Variants in DIP2C observed in about 807,000 individuals in gnomAD.
DIP2C encodes the protein disco-interacting protein 2 homolog C.
Under a neutral mutation model 192.4 loss-of-function variants are expected in DIP2C, and 33 were observed. The ratio of observed to expected loss-of-function variants is 0.17; its 90% confidence interval spans 0.13 to 0.23. The LOEUF (loss-of-function observed/expected upper bound fraction) is 0.23. DIP2C is among the 10% of genes least tolerant of loss of function. DIP2C has a pLI of 1.00. For missense variants in DIP2C, 1,537 were observed against 2,110.1 expected, an observed-to-expected ratio of 0.73 and a Z score of 5.32; for synonymous variants, 979 against 864.1, an observed-to-expected ratio of 1.13 and a Z score of -2.33.
intron 1 of DIP2C, among the ~76,000 whole-genome samples, chr10:654,782 T>C (rs1014346109): frequency 3.3e-5 from 5 of 152,232 alleles, no homozygotes; most frequent in African/African-American, 1.2e-4. Flanking sequence ...TACTCTGTAG[T>C]ATGGAGCACA....
chr10:297,634 G>T (rs1955823781), intron 32 of DIP2C, among the ~76,000 whole-genome samples: 1 of 152,194 alleles, frequency 6.6e-6, no homozygotes, highest in Non-Finnish European at 1.5e-5. Flanking sequence ...TGATTTCATA[G>T]AAATACAAAG....
chr10:545,183 T>TTG (rs1207646484), intron 1 of DIP2C, among the ~76,000 whole-genome samples: 5 of 144,348 alleles, frequency 3.5e-5, no homozygotes, highest in Admixed American at 2.8e-4. Context: ...TTTTTTTTTT[T>TTG]TTTTTTGAGT....
At chr10:682,307 A>G (rs1831164232) in intron 1 of DIP2C, among the ~76,000 whole-genome samples, 1 of 152,232 alleles carries the variant, frequency 6.6e-6, no homozygotes, top group East Asian at 1.9e-4. Flanking sequence ...GCTCAAAATC[A>G]AGTAAATGTC....
chr10:416,238 C>T (rs1215954319), intron 6 of DIP2C, among the ~76,000 whole-genome samples: 2 of 152,068 alleles, frequency 1.3e-5, no homozygotes, highest in African/African-American at 4.8e-5. Context: ...TGCCCCAGGC[C>T]CCCTCTTCTC....
chr10:390,752 G>A lies in DIP2C; in HGVS notation c.1372C>T (p.Pro458Ser). 1.9e-6 allele frequency: 3 copies of A among 1,613,968 alleles called. No individual in the cohort carries two copies. The highest frequency in any genetic ancestry group is 2.7e-5 in the African/African-American group (2 of 75,004). ...CTCGGTGGCTTACCTTTAAACTGTGGGATCTCTCCCGTTGGGCTTTTTGGA... is the reference window on the plus strand; with the variant it reads ...CTCGGTGGCTTACCTTTAAACTGTGAGATCTCTCCCGTTGGGCTTTTTGGA... ...GLPKSPTGEI[P>S]QFKGWPKLLW... The change falls in exon 11 of 37, where the codon CCA becomes TCA. Residue 458 changes from proline to serine, a missense_variant. Coordinates refer to ENST00000280886, the MANE Select transcript of DIP2C (RefSeq NM_014974.3).
chr10:583,370 A>C (rs747511367), intron 1 of DIP2C, among the ~76,000 whole-genome samples: 12 of 152,378 alleles, frequency 7.9e-5, no homozygotes, highest in South Asian at 4.1e-4. Context: ...GAATTATCCC[A>C]GGGAGCCTGT....
intron 18 of DIP2C, among the ~76,000 whole-genome samples, chr10:367,503 G>A (rs1236129391): frequency 6.6e-6 from 1 of 152,142 alleles, no homozygotes; most frequent in Non-Finnish European, 1.5e-5. Flanking sequence ...CAGGTAACAC[G>A]GTGGGTAAGG....
intron 1 of DIP2C, among the ~76,000 whole-genome samples, chr10:487,738 C>A (rs544767445): frequency 6.6e-6 from 1 of 151,948 alleles, no homozygotes; most frequent in African/African-American, 2.4e-5. Context: ...CCACCACGCC[C>A]GGCTAATTTT....
At chr10:531,937 A>C (rs747211285) in intron 1 of DIP2C, among the ~76,000 whole-genome samples, 5 of 152,272 alleles carry the variant, frequency 3.3e-5, no homozygotes, top group Non-Finnish European at 5.9e-5. Context: ...TTAACTAGTT[A>C]TAACTCTAAC....
At chr10:469,315 A>ATTTT (rs11348709) in intron 3 of DIP2C, among the ~76,000 whole-genome samples, 6 of 102,302 alleles carry the variant, frequency 5.9e-5, no homozygotes, top group African/African-American at 1.9e-4. Flanking sequence ...ACTGGTACTG[A>ATTTT]TTTTTTTTTT....
intron 1 of DIP2C, 168 bp from the exon 2 acceptor site, chr10:486,698 C>T (rs1363980123): frequency 1.2e-5 from 6 of 483,942 alleles, no homozygotes; most frequent in Middle Eastern, 3.0e-4. Context: ...CCCCTGCTCT[C>T]GAACAAAAGC....
intron 1 of DIP2C, among the ~76,000 whole-genome samples, chr10:682,593 C>CTATG (rs1831172507): frequency 6.6e-6 from 1 of 152,146 alleles, no homozygotes; most frequent in African/African-American, 2.4e-5. Context: ...AATACAAACT[C>CTATG]TATGTACGTC....
chr10:575,044 T>C (rs903556585), intron 1 of DIP2C, among the ~76,000 whole-genome samples: 3 of 152,048 alleles, frequency 2.0e-5, no homozygotes, highest in South Asian at 4.2e-4. Flanking sequence ...CACAAACTGG[T>C]ATCAATCAGT....
At chr10:485,112 G>A (rs1247409703) in intron 2 of DIP2C, among the ~76,000 whole-genome samples, 1 of 152,268 alleles carries the variant, frequency 6.6e-6, no homozygotes, top group Non-Finnish European at 1.5e-5. Flanking sequence ...CAGGGCCACC[G>A]CGGGAGGCAC....
At chr10:435,570 A>G (rs2133237832) in intron 4 of DIP2C, among the ~76,000 whole-genome samples, 1 of 152,282 alleles carries the variant, frequency 6.6e-6, no homozygotes, top group East Asian at 1.9e-4. Flanking sequence ...GCTCCAGTGT[A>G]TGGTGATTCT....
chr10:313,222 A>T (rs1227132892), intron 31 of DIP2C, among the ~76,000 whole-genome samples: 6 of 152,224 alleles, frequency 3.9e-5, no homozygotes, highest in African/African-American at 1.2e-4. Context: ...CCCTAATGCA[A>T]AAGAGTGCCC....
intron 1 of DIP2C, among the ~76,000 whole-genome samples, chr10:550,577 A>ATGGGAGG (rs1848531023): frequency 2.6e-5 from 4 of 152,196 alleles, no homozygotes; most frequent in African/African-American, 9.7e-5. Context: ...TATTACAACA[A>ATGGGAGG]TCAGATCTGT....
intron 29 of DIP2C, among the ~76,000 whole-genome samples, chr10:333,504 A>G (rs1239882210): frequency 6.6e-6 from 1 of 152,078 alleles, no homozygotes; most frequent in East Asian, 1.9e-4. Context: ...GTGCAGAAGC[A>G]CCCACCATGT....
At chr10:589,125 C>T (rs74989552) in intron 1 of DIP2C, among the ~76,000 whole-genome samples, 1 of 152,140 alleles carries the variant, frequency 6.6e-6, no homozygotes, top group African/African-American at 2.4e-5. Flanking sequence ...CCACCCTCCC[C>T]GTCCTTCTCG....
Sources: gnomAD v4.1 joint callset for allele counts (sites outside exome capture counted in the v4.1 genomes callset) on GRCh38, gnomAD v4.1.1 for gene constraint, MANE v1.5 for transcripts, NCBI Gene and HGNC (gene_info 2026-07-23, HGNC 2026-07-21) for gene names.